Variants in TRPC3 observed in about 807,000 individuals in gnomAD.
The protein encoded by TRPC3 is transient receptor potential cation channel subfamily C member 3.
A neutral mutation model predicts 90.9 loss-of-function variants in TRPC3; 54 were observed. The observed-to-expected ratio is 0.59, with a 90% CI of 0.48 to 0.75. TRPC3 has a LOEUF of 0.75. Among genes scored for constraint, TRPC3 ranks in the 30% least tolerant of loss-of-function variants. The pLI, the probability that TRPC3 is intolerant of heterozygous loss-of-function variation, is 0.00. For missense variants in TRPC3, 918 were observed against 1,194.5 expected (o/e 0.77, Z 3.41); for synonymous variants, 424 against 450.9 (o/e 0.94, Z 0.75).
intron 10 of TRPC3, among the ~76,000 whole-genome samples, chr4:121,894,908 T>C (rs114275622): frequency 6.6e-6 from 1 of 152,120 alleles, no homozygotes; most frequent in East Asian, 1.9e-4. Flanking sequence ...ATTGACCATA[T>C]GTTAGGACAT....
chr4:121,899,844 T>G (rs561587631), intron 9 of TRPC3, 149 bp from the exon 10 acceptor site: 1 of 642,390 alleles, frequency 1.6e-6, no homozygotes, highest in African/African-American at 1.8e-5. Flanking sequence ...TGATGTAATA[T>G]ATTCCCAAAG....
intron 6 of TRPC3, among the ~76,000 whole-genome samples, chr4:121,908,473 A>G (rs1349340586): frequency 1.3e-5 from 2 of 152,150 alleles, no homozygotes; most frequent in African/African-American, 2.4e-5. Flanking sequence ...TACGGAATCA[A>G]CCTAGGTGCT....
At chr4:121,947,183 C>CA (rs11457162) in intron 1 of TRPC3, among the ~76,000 whole-genome samples, 51,353 of 91,678 alleles carry the variant, frequency 0.56, 12,760 homozygotes, top group Non-Finnish European at 0.6. Flanking sequence ...GACTCTGTCT[C>CA]AAAAAAAAAA....
chr4:121,935,419 G>T lies in TRPC3; in HGVS notation c.216-2377C>A, dbSNP rs577047673. 2.0e-5 allele frequency among the ~76,000 whole-genome samples: 3 copies of T among 147,334 alleles called. No homozygotes were observed. The South Asian group carries it at 6.5e-4, about 32-fold the overall frequency. ...AGTCTGAGTTGGGGGACATGTGTGG[G>T]GTGTGTGTGTGTGTGTGTGTGTGTG... is the stretch of plus-strand genomic sequence containing the variant. On this transcript the variant is annotated intron_variant, in intron 1 of 11. Coordinates refer to ENST00000379645, the MANE Select transcript of TRPC3 (RefSeq NM_001130698.2).
At chr4:121,891,472 G>A (rs138989213) in intron 10 of TRPC3, among the ~76,000 whole-genome samples, 1 of 152,284 alleles carries the variant, frequency 6.6e-6, no homozygotes, top group East Asian at 1.9e-4. Context: ...GTCCTGACAA[G>A]GTAGTGAAGT....
Position 121,932,703 on chromosome 4 carries a change from C to T in TRPC3, c.555G>A (p.Lys185=), listed in dbSNP as rs775903365. The change falls in exon 2 of 12, where the codon AAG becomes AAA. Residue 185 remains lysine (K), a synonymous_variant. Transcript: ENST00000379645. This position sits in a 1 kb window ranked among gnomAD's most constrained non-coding sequence, Gnocchi z 7.7. The part of the protein sequence containing the change: ...IGDALLLAIS[K]GYVRIVEAIL... ...TGGCCTCTACGATGCGCACGTAGCC[C>T]TTGCTGATGGCGAGCAGCAGGGCGT... is the stretch of plus-strand genomic sequence containing the variant. 1.9e-6 allele frequency: 3 copies of T among 1,613,800 alleles called. No individual in the cohort carries two copies. Among genetic ancestry groups the T allele is most frequent in the East Asian group, 2.2e-5 (1 of 44,860 alleles).
intron 9 of TRPC3, among the ~76,000 whole-genome samples, chr4:121,902,186 C>T (rs540150956): frequency 2.0e-4 from 30 of 152,210 alleles, no homozygotes; most frequent in African/African-American, 7.0e-4. Context: ...ACATTTGTTC[C>T]TGTCTGCCTC....
In TRPC3 at chr4:121,914,918, C is replaced by T. The variant is rs376302115; in HGVS notation, c.1203G>A (p.Gln401=). ...TCTCATACCAGATCGTCAAGAGCTG[C>T]TGCTGGCAGTTGGGATGAGCCACAA... is the stretch of plus-strand genomic sequence containing the variant. ...KKFVAHPNCQ[Q]QLLTIWYENL... The change falls in exon 4 of 12, where the codon CAG becomes CAA. Residue 401 remains glutamine (Q), a synonymous_variant. Transcript: ENST00000379645. The T allele has an allele frequency of 2.6e-5, 42 of 1,608,316 alleles. No homozygotes were observed. The East Asian group carries it at 5.8e-4, about 22-fold the overall frequency.
intron 6 of TRPC3, among the ~76,000 whole-genome samples, chr4:121,909,134 A>G (rs1413611869): frequency 6.6e-6 from 1 of 152,162 alleles, no homozygotes; most frequent in Non-Finnish European, 1.5e-5. Context: ...ATCTAAAATT[A>G]ATTCTTTAAT....
rs1211984456 is a variant in TRPC3 at position 121,932,714 on chromosome 4, C to T, written c.544G>A (p.Ala182Thr). The part of the protein sequence containing the change: ...LARIGDALLL[A>T]ISKGYVRIVE... ...ATGCGCACGTAGCCCTTGCTGATGG[C>T]GAGCAGCAGGGCGTCGCCAATGCGC... The change falls in exon 2 of 12, where the codon GCC becomes ACC. Residue 182 changes from alanine (A) to threonine (T), a missense_variant. Ala to Thr is a moderately conservative substitution (Grantham distance 58). Around this residue, in one of 4 missense-constraint regions of TRPC3, gnomAD observed 609 missense variants for 725.9 expected, o/e 0.84. Coordinates refer to ENST00000379645, the MANE Select transcript of TRPC3 (RefSeq NM_001130698.2). This position sits in a 1 kb window ranked among gnomAD's most constrained non-coding sequence, Gnocchi z 7.7. The T allele has an allele frequency of 1.9e-6, 3 of 1,613,684 alleles. No individual in the cohort carries two copies. The highest frequency in any genetic ancestry group is 2.5e-6 in the Non-Finnish European group (3 of 1,179,822).
At chr4:121,947,205 A>G (rs1477541172) in intron 1 of TRPC3, among the ~76,000 whole-genome samples, 1 of 151,130 alleles carries the variant, frequency 6.6e-6, no homozygotes, top group African/African-American at 2.4e-5. Context: ...AAAAAAAAGA[A>G]TTAAAAAAAT....
intron 10 of TRPC3, among the ~76,000 whole-genome samples, chr4:121,886,420 A>G (rs1341690082): frequency 6.6e-6 from 1 of 152,148 alleles, no homozygotes; most frequent in Non-Finnish European, 1.5e-5. Flanking sequence ...AAGGAAAAGG[A>G]CCTTGGGAAT....
At chr4:121,887,751 C>G (rs1460742388) in intron 10 of TRPC3, among the ~76,000 whole-genome samples, 4 of 152,156 alleles carry the variant, frequency 2.6e-5, no homozygotes, top group African/African-American at 9.7e-5. Context: ...TATTTCTTAA[C>G]ATATCATAGC....
intron 1 of TRPC3, among the ~76,000 whole-genome samples, chr4:121,941,738 T>C (rs1730319295): frequency 6.6e-6 from 1 of 152,232 alleles, no homozygotes; most frequent in Admixed American, 6.5e-5. Flanking sequence ...AATAGGCTTA[T>C]GTGTATGTGG....
intron 10 of TRPC3, among the ~76,000 whole-genome samples, chr4:121,889,344 C>T (rs1415128626): frequency 1.3e-5 from 2 of 152,072 alleles, no homozygotes; most frequent in Admixed American, 6.6e-5. Context: ...GGGTTAATAT[C>T]CAGAATATAT....
intron 7 of TRPC3, among the ~76,000 whole-genome samples, chr4:121,905,545 T>C (rs1728851588): frequency 6.6e-6 from 1 of 152,182 alleles, no homozygotes; most frequent in Admixed American, 6.6e-5. Flanking sequence ...CAGAACCAAA[T>C]TGTAATCACT....
intron 3 of TRPC3, among the ~76,000 whole-genome samples, chr4:121,915,773 G>GT (rs1729293718): frequency 2.0e-5 from 3 of 151,890 alleles, no homozygotes; most frequent in Non-Finnish European, 4.4e-5. Flanking sequence ...TTAAAGCCCT[G>GT]TTCTTATTCA....
chr4:121,899,866 T>A (rs926461275), intron 9 of TRPC3, among the ~76,000 whole-genome samples, 171 bp from the exon 10 acceptor site: 3 of 152,246 alleles, frequency 2.0e-5, no homozygotes, highest in Non-Finnish European at 1.5e-5. Context: ...TTAAAATTAC[T>A]GTGAGCAATA....
At chr4:121,922,054 A>G (rs1350011041) in intron 3 of TRPC3, among the ~76,000 whole-genome samples, 1 of 151,218 alleles carries the variant, frequency 6.6e-6, no homozygotes, top group African/African-American at 2.4e-5. Context: ...TAGTAGCTGC[A>G]ACTACAGGTG....
Sources: gnomAD v4.1 joint callset for allele counts (sites outside exome capture counted in the v4.1 genomes callset) on GRCh38, gnomAD v4.1.1 for gene constraint, gnomAD v4.1.1 regional missense constraint, Gnocchi (gnomAD v3.1) non-coding constraint, MANE v1.5 for transcripts, NCBI Gene and HGNC (gene_info 2026-07-23, HGNC 2026-07-21) for gene names.